The following SLC6A3 variants were observed in gnomAD, a reference collection of about 807,000 sequenced individuals.
SLC6A3 encodes solute carrier family 6 member 3.
SLC6A3 carries 19 observed loss-of-function variants against 70.4 expected under a neutral mutation model. That is an observed-to-expected ratio of 0.27 (90% CI 0.19 to 0.40). The LOEUF (loss-of-function observed/expected upper bound fraction) is 0.40. Ranked by LOEUF, SLC6A3 falls within the 10% of genes least tolerant of loss-of-function variation. The pLI is 1.00. For synonymous variants in SLC6A3, 368 were observed against 356.6 expected, an observed-to-expected ratio of 1.03 and a Z score of -0.36; for missense variants, 613 against 838.5, an observed-to-expected ratio of 0.73 and a Z score of 3.32.
At chr5:1,428,778 C>T (rs1756629500) in intron 4 of SLC6A3, among the ~76,000 whole-genome samples, 1 of 138,148 alleles carries the variant, frequency 7.2e-6, no homozygotes, top group South Asian at 2.5e-4. Context: ...ATTAGTGGGG[C>T]AGCTCAGCAG....
rs1320422523 is a variant in SLC6A3, at chr5:1,436,665, A to G, written c.419-3967T>C. 6.6e-6 allele frequency among the ~76,000 whole-genome samples: 1 copy of G among 152,230 alleles called. No homozygotes were observed. Among genetic ancestry groups the G allele is most frequent in the Non-Finnish European group, 1.5e-5 (1 of 68,042 alleles). Reference sequence around the variant, plus strand: ...GACTATAAAATATTTTATATTCAATACAATCGAATGGTGGGGTTTCCAGGG... The same window carrying G: ...GACTATAAAATATTTTATATTCAATGCAATCGAATGGTGGGGTTTCCAGGG... On this transcript the variant is annotated intron_variant, in intron 3 of 14. Transcript: ENST00000270349. The surrounding 1 kb of genome is among the most constrained non-coding windows in gnomAD (Gnocchi z 5.2).
In SLC6A3 at chr5:1,411,674, C is replaced by T. The variant is rs1756129923; in HGVS notation, c.1157-319G>A. The stretch of plus-strand genomic sequence containing the variant: ...CAGAAACAAGGAGGAGCAGGAGGGG[C>T]TTCCAGGCTGGTCCTGCCCTTCATC... On this transcript the variant is annotated intron_variant, in intron 8 of 14. Transcript: ENST00000270349. The surrounding 1 kb of genome is among the most constrained non-coding windows in gnomAD (Gnocchi z 6.5). Among the ~76,000 whole-genome samples the T allele has an allele frequency of 6.6e-6, 1 of 152,226 alleles. No homozygotes were observed. The highest frequency in any genetic ancestry group is 1.9e-4 in the East Asian group (1 of 5,202).
In SLC6A3 at chr5:1,406,005, G is replaced by A. The variant is rs1273810915; in HGVS notation, c.1599+183C>T. On this transcript the variant is annotated intron_variant, in intron 12 of 14. Transcript: ENST00000270349. The surrounding 1 kb of genome is among the most constrained non-coding windows in gnomAD (Gnocchi z 8.8). ...TTTCGGTGGGTCTAGAGGGGAGGGT[G>A]GAAGCCACCTTAAGGAGACTATAGA... Among the ~76,000 whole-genome samples the A allele has an allele frequency of 6.6e-6, 1 of 152,286 alleles. No individual in the cohort carries two copies. Among genetic ancestry groups the A allele is most frequent in the Non-Finnish European group, 1.5e-5 (1 of 68,024 alleles).
In SLC6A3 at chr5:1,406,545, C is replaced by T. The variant is rs1481296361; in HGVS notation, c.1499-257G>A. Among the ~76,000 whole-genome samples, 1 of 152,196 alleles carries T rather than the reference C, an allele frequency of 6.6e-6. No homozygotes were observed. Among genetic ancestry groups the T allele is most frequent in the Non-Finnish European group, 1.5e-5 (1 of 68,030 alleles). On this transcript the variant is annotated intron_variant, in intron 11 of 14. Transcript: ENST00000270349. The surrounding 1 kb of genome is among the most constrained non-coding windows in gnomAD (Gnocchi z 8.8). ...GTGCCCCGGTGGGTGCTCCCCGCGC[C>T]CCGGCAACAGCCCCTCGGGTCCTCC...
rs1286492980 is a variant in SLC6A3, at chr5:1,406,508, C to A, written c.1499-220G>T. 6.6e-6 allele frequency among the ~76,000 whole-genome samples: 1 copy of A among 152,166 alleles called. No individual in the cohort carries two copies. The highest frequency in any genetic ancestry group is 2.4e-5 in the African/African-American group (1 of 41,432). On this transcript the variant is annotated intron_variant, in intron 11 of 14. Transcript: ENST00000270349. This position sits in a 1 kb window ranked among gnomAD's most constrained non-coding sequence, Gnocchi z 8.8. ...GTGCCTGCTCCACCCTGGAGATGCACCAGGAAGAGCCGTGCCCCGGTGGGT... is the reference window on the plus strand; with the variant it reads ...GTGCCTGCTCCACCCTGGAGATGCAACAGGAAGAGCCGTGCCCCGGTGGGT...
chr5:1,409,659 G>A (rs1401601818), intron 10 of SLC6A3, 62 bp downstream of exon 10: 18 of 1,600,438 alleles, frequency 1.1e-5, no homozygotes, highest in Admixed American at 8.3e-5. Context: ...CAGCCAGGGC[G>A]CCCCGTGCCA....
Position 1,411,392 on chromosome 5 carries a change from C to G in SLC6A3, c.1157-37G>C, listed in dbSNP as rs369805676. On this transcript the variant is annotated intron_variant, in intron 8 of 14. Coordinates refer to ENST00000270349, the MANE Select transcript of SLC6A3 (RefSeq NM_001044.5). The surrounding 1 kb of genome is among the most constrained non-coding windows in gnomAD (Gnocchi z 6.5). ...CCCGCCCTGCTTGCCACAGAGCCCA[C>G]GCTGTGCTCTCCCGCCCATCCTGCC... 2 of 1,458,176 alleles carry G rather than the reference C, an allele frequency of 1.4e-6. No individual in the cohort carries two copies. Among genetic ancestry groups the G allele is most frequent in the South Asian group, 2.4e-5 (2 of 82,206 alleles). 90.3% of individuals were successfully genotyped at this position (1,458,176 alleles called of 1,614,324 possible).
intron 4 of SLC6A3, among the ~76,000 whole-genome samples, chr5:1,423,645 C>T (rs1756514016): frequency 6.6e-6 from 1 of 152,228 alleles, no homozygotes; most frequent in Non-Finnish European, 1.5e-5. Flanking sequence ...TGACCATCGG[C>T]TGTGCTCCTT....
At position 1,401,409 on chromosome 5, in the gene SLC6A3, T is replaced by A. The variant is rs763868840; in HGVS notation, c.1768-423A>T. Reference sequence around the variant, plus strand: ...GACATATTCCGGGAGCACTTGCTTTTTGTCACCTGCAGCTCTTGGGAGAGT... The same window carrying A: ...GACATATTCCGGGAGCACTTGCTTTATGTCACCTGCAGCTCTTGGGAGAGT... On this transcript the variant is annotated intron_variant, in intron 13 of 14. Coordinates refer to ENST00000270349, the MANE Select transcript of SLC6A3 (RefSeq NM_001044.5). The surrounding 1 kb of genome is among the most constrained non-coding windows in gnomAD (Gnocchi z 6.1). 8.3e-5 allele frequency: 33 copies of A among 398,896 alleles called. No individual in the cohort carries two copies. Among genetic ancestry groups the A allele is most frequent in the Non-Finnish European group, 1.5e-4 (30 of 203,332 alleles). The allele number at this position is 398,896 out of a possible 1,614,324, so 24.7% of individuals were successfully genotyped here.
At position 1,411,047 on chromosome 5, in the gene SLC6A3, T is replaced by C. The variant is rs1266108831; in HGVS notation, c.1269+196A>G. On this transcript the variant is annotated intron_variant, in intron 9 of 14. Transcript: ENST00000270349. This position sits in a 1 kb window ranked among gnomAD's most constrained non-coding sequence, Gnocchi z 6.5. ...CAGAGTAGGGGGATAAAGGGAAAGG[T>C]AAACTCCAGTCACCACTCACTCCAG... Among the ~76,000 whole-genome samples, 13 of 151,994 alleles carry C rather than the reference T, an allele frequency of 8.6e-5. No individual in the cohort carries two copies. Among genetic ancestry groups the C allele is most frequent in the Admixed American group, 5.9e-4 (9 of 15,272 alleles).
chr5:1,409,598 T>A, intron 10 of SLC6A3, 123 bp downstream of exon 10: 1 of 1,122,404 alleles, frequency 8.9e-7, no homozygotes, highest in Non-Finnish European at 1.3e-6. Flanking sequence ...CTGGGGTGGG[T>A]GGGTTCGCAG....
chr5:1,442,849 C>A lies in SLC6A3; in HGVS notation c.286+63G>T, dbSNP rs557739445. 6.8e-5 allele frequency: 105 copies of A among 1,552,874 alleles called. 1 individual carries two copies. The African/African-American group carries it at 1.3e-3, about 19-fold the overall frequency. On this transcript the variant is annotated intron_variant, in intron 2 of 14. Transcript: ENST00000270349. The surrounding 1 kb of genome is among the most constrained non-coding windows in gnomAD (Gnocchi z 5.0). ...CATCTCGTTTCCGTACGTGCCTTGG[C>A]CCCGGCTGCCCCTACGACCCCCGCC...
chr5:1,440,955 T>G (rs1269329827), intron 3 of SLC6A3, among the ~76,000 whole-genome samples: 1 of 152,044 alleles, frequency 6.6e-6, no homozygotes, highest in African/African-American at 2.4e-5. Flanking sequence ...ATGGATTAGG[T>G]AGATAGGTAG....
rs1756893154 is a variant in SLC6A3 at position 1,438,444 on chromosome 5, A to C, written c.418+2915T>G. On this transcript the variant is annotated intron_variant, in intron 3 of 14. Coordinates refer to ENST00000270349, the MANE Select transcript of SLC6A3 (RefSeq NM_001044.5). This position sits in a 1 kb window ranked among gnomAD's most constrained non-coding sequence, Gnocchi z 6.5. The stretch of plus-strand genomic sequence containing the variant: ...TGATATGCCCACATCCGCCGGCTGC[A>C]TTTCTTCAGAACGAGGTGCCACTGC... Among the ~76,000 whole-genome samples the C allele has an allele frequency of 6.6e-6, 1 of 152,232 alleles. No homozygotes were observed. Among genetic ancestry groups the C allele is most frequent in the African/African-American group, 2.4e-5 (1 of 41,460 alleles).
rs1756828470 is a variant in SLC6A3, at chr5:1,436,100, GAAATGGCTCCCTTGA to G, written c.419-3417_419-3403del. Among the ~76,000 whole-genome samples, 1 of 152,066 alleles carries G rather than the reference GAAATGGCTCCCTTGA, an allele frequency of 6.6e-6. No individual in the cohort carries two copies. On this transcript the variant is annotated intron_variant, in intron 3 of 14. Coordinates refer to ENST00000270349, the MANE Select transcript of SLC6A3 (RefSeq NM_001044.5). The surrounding 1 kb of genome is among the most constrained non-coding windows in gnomAD (Gnocchi z 5.2). ...ATGCTTCCCTGGGCACCTGGGTGAGGAAATGGCTCCCTTGAACGGTAGTGGCCACTGTCAGCACTG... is the reference window on the plus strand; with the variant it reads ...ATGCTTCCCTGGGCACCTGGGTGAGGACGGTAGTGGCCACTGTCAGCACTG...
intron 4 of SLC6A3, among the ~76,000 whole-genome samples, chr5:1,423,506 C>T (rs1756510982): frequency 6.6e-6 from 1 of 152,258 alleles, no homozygotes; most frequent in Non-Finnish European, 1.5e-5. Context: ...CTCACAGCCC[C>T]TGCTGCTATG....
In SLC6A3 at chr5:1,411,271, A is replaced by G; in HGVS notation, c.1241T>C (p.Met414Thr). The change falls in exon 9 of 15, where the codon ATG (methionine) becomes ACG (threonine). Residue 414 changes from methionine to threonine, a missense_variant. Physicochemically the swap from Met to Thr is moderately conservative, Grantham distance 81 (BLOSUM62 -1). This residue lies in a region of SLC6A3 where 348 missense variants were observed against 481.2 expected (regional missense o/e 0.72). Coordinates refer to ENST00000270349, the MANE Select transcript of SLC6A3 (RefSeq NM_001044.5). The surrounding 1 kb of genome is among the most constrained non-coding windows in gnomAD (Gnocchi z 6.5). ...SSAWAVVFFI[M>T]LLTLGIDSAM... Reference sequence around the variant, plus strand: ...GCTGTCGATACCCAGGGTGAGCAGCATGATGAAGAAGACCACGGCCCAGGC... The same window carrying G: ...GCTGTCGATACCCAGGGTGAGCAGCGTGATGAAGAAGACCACGGCCCAGGC... The G allele has an allele frequency of 3.9e-6, 6 of 1,553,506 alleles. No homozygotes were observed. Among genetic ancestry groups the G allele is most frequent in the Non-Finnish European group, 5.2e-6 (6 of 1,148,272 alleles).
chr5:1,404,212 A>G lies in SLC6A3; in HGVS notation c.1600-1123T>C, dbSNP rs1755916907. Among the ~76,000 whole-genome samples the G allele has an allele frequency of 6.6e-6, 1 of 152,192 alleles. No homozygotes were observed. Among genetic ancestry groups the G allele is most frequent in the Non-Finnish European group, 1.5e-5 (1 of 68,032 alleles). On this transcript the variant is annotated intron_variant, in intron 12 of 14. Coordinates refer to ENST00000270349, the MANE Select transcript of SLC6A3 (RefSeq NM_001044.5). The surrounding 1 kb of genome is among the most constrained non-coding windows in gnomAD (Gnocchi z 5.2). ...GCCACTTGTAGGTTTGGAGCCGGCT[A>G]GCGGAGGACTGGGATGGGGGCTGGG...
At chr5:1,440,597 C>T (rs1184750425) in intron 3 of SLC6A3, among the ~76,000 whole-genome samples, 3 of 152,222 alleles carry the variant, frequency 2.0e-5, no homozygotes, top group Non-Finnish European at 4.4e-5. Flanking sequence ...TATTTAGAGA[C>T]AAGGTCTTTA....
Sources: allele counts gnomAD v4.1 joint callset (sites outside exome capture counted in the v4.1 genomes callset), GRCh38; gene constraint gnomAD v4.1.1; regional missense constraint gnomAD v4.1.1; non-coding constraint Gnocchi (gnomAD v3.1); transcripts MANE v1.5; gene names NCBI Gene and HGNC (gene_info 2026-07-23, HGNC 2026-07-21).